Variants in RRM2 observed in about 807,000 individuals in gnomAD.
The protein encoded by RRM2 is ribonucleotide reductase regulatory subunit M2.
A neutral mutation model predicts 45.9 loss-of-function variants in RRM2; 6 were observed. The ratio of observed to expected loss-of-function variants is 0.13; its 90% CI spans 0.07 to 0.26. RRM2 has a LOEUF of 0.26. Ranked by LOEUF, RRM2 falls within the 10% of genes least tolerant of loss-of-function variation. The probability of loss-of-function intolerance (pLI) is 1.00; values close to 1 mark genes in which losing one functional copy is unlikely to be tolerated. For synonymous variants in RRM2, 177 were observed against 173.0 expected (o/e 1.02, Z -0.18); for missense variants, 343 against 489.5 (o/e 0.70, Z 2.82).
rs1055921641 is a variant in RRM2, at chr2:10,171,299, T to G, written n.482+28924T>G. Among the ~76,000 whole-genome samples, 1 of 152,192 alleles carries G rather than the reference T, an allele frequency of 6.6e-6. No homozygotes were observed. Among genetic ancestry groups the G allele is most frequent in the African/African-American group, 2.4e-5 (1 of 41,456 alleles). On this transcript the variant is annotated intron_variant and non_coding_transcript_variant, in intron 3 of 3. Coordinates refer to the RRM2 transcript ENST00000381786. This position sits in a 1 kb window ranked among gnomAD's most constrained non-coding sequence, Gnocchi z 4.1. ...ATAAGACAAACACAGAGCAACTCCT[T>G]GCTAACAGCCATGCAGTACCAAGCA...
chr2:10,184,504 CTGGGACTGT>C (rs1474828718), intron 3 of RRM2, among the ~76,000 whole-genome samples: 1 of 152,252 alleles, frequency 6.6e-6, no homozygotes, highest in Non-Finnish European at 1.5e-5. Context: ...CCTGGGCAAA[CTGGGACTGT>C]TGGTCCAAAC....
At chr2:10,142,402 T>C (rs1558386060) in intron 3 of RRM2, 3 of 1,368,284 alleles carry the variant, frequency 2.2e-6, no homozygotes, top group African/African-American at 3.0e-5. Context: ...ACTCGCACGG[T>C]GGGGGAAGAG....
intron 3 of RRM2, among the ~76,000 whole-genome samples, chr2:10,197,864 C>T (rs1429496850): frequency 1.3e-5 from 2 of 152,170 alleles, no homozygotes; most frequent in African/African-American, 4.8e-5. Flanking sequence ...AGGAAGGTCA[C>T]TCAGACTTTC....
At chr2:10,155,146 C>T (rs1663398768) in intron 3 of RRM2, 1 of 332,758 alleles carries the variant, frequency 3.0e-6, no homozygotes, top group Non-Finnish European at 5.8e-6. Context: ...GAAGACATCA[C>T]TCTCGGATCC....
intron 3 of RRM2, among the ~76,000 whole-genome samples, chr2:10,192,955 C>T (rs1291279254): frequency 6.6e-6 from 1 of 152,222 alleles, no homozygotes; most frequent in East Asian, 1.9e-4. Context: ...CTGCAGTCTC[C>T]TGGGCTCAGG....
In RRM2 at chr2:10,199,800, A is replaced by AAAAAAAAAAAAAAAAC. The variant is rs1572534126; in HGVS notation, n.483-10502_483-10501insAAAAAACAAAAAAAAA. Among the ~76,000 whole-genome samples the AAAAAAAAAAAAAAAAC allele has an allele frequency of 9.8e-4, 96 of 97,880 alleles. 17 individuals are homozygous for AAAAAAAAAAAAAAAAC. Among genetic ancestry groups the AAAAAAAAAAAAAAAAC allele is most frequent in the African/African-American group, 2.5e-3 (61 of 24,814 alleles). The allele number at this position is 97,880 out of a possible 152,430, so 64.2% of individuals were successfully genotyped here. On this transcript the variant is annotated intron_variant and non_coding_transcript_variant, in intron 3 of 3. Transcript: ENST00000381786. ...GTCTCAAAAAAAAAAAAAAAAAAAA[A>AAAAAAAAAAAAAAAAC]AAAAAAAAACAAATCATGGTATGAC...
chr2:10,127,381 AT>A lies in RRM2; in HGVS notation c.798+164del, dbSNP rs1317474784. On this transcript the variant is annotated intron_variant, in intron 7 of 9. Coordinates refer to ENST00000304567, the MANE Select transcript of RRM2 (RefSeq NM_001034.4). This position sits in a 1 kb window ranked among gnomAD's most constrained non-coding sequence, Gnocchi z 4.1. ...CTTGACAAAAGAAGGAAATACTTTC[AT>A]TTACTGAAACTGTTTTACTTGCATT... 8 of 681,476 alleles carry A rather than the reference AT, an allele frequency of 1.2e-5. No homozygotes were observed. The African/African-American group carries it at 1.4e-4, about 12-fold the overall frequency. 42.2% of individuals were successfully genotyped at this position (681,476 alleles called of 1,614,324 possible).
downstream of RRM2, among the ~76,000 whole-genome samples, chr2:10,132,765 G>A (rs371874982): frequency 6.6e-6 from 1 of 152,216 alleles, no homozygotes; most frequent in East Asian, 1.9e-4. Flanking sequence ...TCAGGTTGGC[G>A]CTGGGCCTAT....
intron 3 of RRM2, among the ~76,000 whole-genome samples, chr2:10,206,925 G>T (rs377623169): frequency 6.6e-6 from 1 of 152,088 alleles, no homozygotes; most frequent in Non-Finnish European, 1.5e-5. Context: ...AGCCATTTTC[G>T]GATACACAAA....
At position 10,210,368 on chromosome 2, in the gene RRM2, T is replaced by C. The variant is rs1306616325; in HGVS notation, n.540T>C. 5.1e-6 allele frequency: 7 copies of C among 1,367,614 alleles called. No homozygotes were observed. In the Admixed American group the frequency reaches 5.7e-5, roughly 11 times the overall value. The allele number at this position is 1,367,614 out of a possible 1,614,324, so 84.7% of individuals were successfully genotyped here. A position where few individuals can be genotyped will look rare whatever the true frequency, so the allele number is the denominator to read the frequency against. On this transcript the variant is annotated non_coding_transcript_exon_variant, in exon 4 of 4. Coordinates refer to the RRM2 transcript ENST00000381786. Reference sequence around the variant, plus strand: ...AGAGTCTGGAGAAGCCCAGCCCTCATTGTGAAGGGAGAGCCACCGTGGTGC... The same window carrying C: ...AGAGTCTGGAGAAGCCCAGCCCTCACTGTGAAGGGAGAGCCACCGTGGTGC...
At chr2:10,206,826 C>T (rs1333843699) in intron 3 of RRM2, among the ~76,000 whole-genome samples, 1 of 152,084 alleles carries the variant, frequency 6.6e-6, no homozygotes, top group African/African-American at 2.4e-5. Context: ...TTCACAACAG[C>T]AATAATGGAA....
chr2:10,133,638 G>A (rs535565816), downstream of RRM2, among the ~76,000 whole-genome samples: 3 of 152,080 alleles, frequency 2.0e-5, no homozygotes, highest in East Asian at 5.8e-4. Context: ...GTGTCTGTCT[G>A]GACACAGAAG....
At chr2:10,126,475 C>T (rs115740885) in intron 5 of RRM2, 4,399 of 171,370 alleles carry the variant, frequency 0.026, 90 homozygotes, top group Non-Finnish European at 0.039. Flanking sequence ...TAATCATAGT[C>T]TGATAATAGC....
rs966798399 is a variant in RRM2 at position 10,185,056 on chromosome 2, A to T, written n.483-25255A>T. On this transcript the variant is annotated intron_variant and non_coding_transcript_variant, in intron 3 of 3. Transcript: ENST00000381786. This position sits in a 1 kb window ranked among gnomAD's most constrained non-coding sequence, Gnocchi z 4.3. Reference sequence around the variant, plus strand: ...ACTGGTTTCTTTGATCTATTTATAAAAATGAATATTTATAGCAAATCCTGT... The same window carrying T: ...ACTGGTTTCTTTGATCTATTTATAATAATGAATATTTATAGCAAATCCTGT... Among the ~76,000 whole-genome samples the T allele has an allele frequency of 3.9e-5, 6 of 152,224 alleles. No homozygotes were observed. The highest frequency in any genetic ancestry group is 7.3e-5 in the Non-Finnish European group (5 of 68,044).
chr2:10,142,832 A>G (rs1053718037), intron 3 of RRM2, among the ~76,000 whole-genome samples: 1 of 151,980 alleles, frequency 6.6e-6, no homozygotes, highest in Non-Finnish European at 1.5e-5. Context: ...CTCCCCGCTC[A>G]CCTCTGCCTT....
rs1353167555 is a variant in RRM2, at chr2:10,169,352, CTT to C, written n.482+26978_482+26979del. The stretch of plus-strand genomic sequence containing the variant: ...TTAGACGTGCAACATGAGGGGAAAT[CTT>C]AGGTTAATTGCTGGGTCCAGAATTG... On this transcript the variant is annotated intron_variant and non_coding_transcript_variant, in intron 3 of 3. Coordinates refer to the RRM2 transcript ENST00000381786. This position sits in a 1 kb window ranked among gnomAD's most constrained non-coding sequence, Gnocchi z 5.1. Among the ~76,000 whole-genome samples, 1 of 152,126 alleles carries C rather than the reference CTT, an allele frequency of 6.6e-6. No homozygotes were observed.
intron 5 of RRM2, chr2:10,126,484 G>A: frequency 5.6e-6 from 1 of 179,706 alleles, no homozygotes; most frequent in Non-Finnish European, 1.2e-5. Context: ...TCTGATAATA[G>A]CACAGCAGTT....
rs945895428 is a variant in RRM2, at chr2:10,195,257, G to A, written n.483-15054G>A. Among the ~76,000 whole-genome samples, 9 of 152,298 alleles carry A rather than the reference G, an allele frequency of 5.9e-5. No individual in the cohort carries two copies. Among genetic ancestry groups the A allele is most frequent in the Admixed American group, 1.3e-4 (2 of 15,300 alleles). ...GAATGGGAAGAGAGGCAGTGAGGCA[G>A]CCTCTCTGCAGAGGAGGGGCTTCAC... On this transcript the variant is annotated intron_variant and non_coding_transcript_variant, in intron 3 of 3. Transcript: ENST00000381786. The surrounding 1 kb of genome is among the most constrained non-coding windows in gnomAD (Gnocchi z 4.9).
At chr2:10,162,331 C>T (rs563492510) in intron 3 of RRM2, among the ~76,000 whole-genome samples, 52 of 152,278 alleles carry the variant, frequency 3.4e-4, no homozygotes, top group African/African-American at 1.2e-3. Flanking sequence ...TGGGATGCGG[C>T]GTCTCGATGT....
Sources: allele counts gnomAD v4.1 joint callset (sites outside exome capture counted in the v4.1 genomes callset), GRCh38; gene constraint gnomAD v4.1.1; non-coding constraint Gnocchi (gnomAD v3.1); transcripts MANE v1.5; gene names NCBI Gene and HGNC (gene_info 2026-07-23, HGNC 2026-07-21).